The following IGSF11 variants were observed in gnomAD, a reference collection of about 807,000 sequenced individuals.
IGSF11 encodes the protein CXADR like 1.
IGSF11 carries 22 observed loss-of-function variants against 41.0 expected under a neutral mutation model. That is an observed-to-expected ratio of 0.54 (90% CI 0.38 to 0.77). IGSF11 has a LOEUF of 0.77. IGSF11 is among the 30% of genes least tolerant of loss of function. The pLI, the probability that IGSF11 is intolerant of heterozygous loss-of-function variation, is 0.00. For missense variants in IGSF11, 444 were observed against 530.8 expected (o/e 0.84, Z 1.61); for synonymous variants, 219 against 201.3 (o/e 1.09, Z -0.74).
chr3:119,004,093 TG>T (rs1937208346), intron 1 of IGSF11, among the ~76,000 whole-genome samples: 1 of 150,556 alleles, frequency 6.6e-6, no homozygotes, highest in Non-Finnish European at 1.5e-5. Context: ...CATCTGGTCC[TG>T]GACTCTTTTT....
chr3:118,902,447 T>TCCCC lies in IGSF11; in HGVS notation c.*69_*72dup. On this transcript the variant is annotated 3_prime_UTR_variant, in exon 7 of 7. Coordinates refer to ENST00000393775, the MANE Select transcript of IGSF11 (RefSeq NM_001015887.3). ...TAAGGAAGTGTTTCTTTCCCAGCAC[T>TCCCC]CCCCACCCCACCCTCCCCCTTGTAT... 1 of 563,916 alleles carries TCCCC rather than the reference T, an allele frequency of 1.8e-6. No homozygotes were observed. Among genetic ancestry groups the TCCCC allele is most frequent in the Non-Finnish European group, 3.4e-6 (1 of 298,020 alleles). 34.9% of individuals were successfully genotyped at this position (563,916 alleles called of 1,614,324 possible).
At chr3:119,027,274 GTCT>G (rs1939915995) in intron 1 of IGSF11, among the ~76,000 whole-genome samples, 1 of 152,170 alleles carries the variant, frequency 6.6e-6, no homozygotes, top group South Asian at 2.1e-4. Flanking sequence ...ATTTCAGCCA[GTCT>G]TTAAGAAACT....
At position 118,902,430 on chromosome 3, in the gene IGSF11, T is replaced by A; in HGVS notation, c.*90A>T. ...TTTTACTAATATAATTATAAGGAAG[T>A]GTTTCTTTCCCAGCACTCCCCACCC... On this transcript the variant is annotated 3_prime_UTR_variant, in exon 7 of 7. Transcript: ENST00000393775. 1 of 923,036 alleles carries A rather than the reference T, an allele frequency of 1.1e-6. No homozygotes were observed. The highest frequency in any genetic ancestry group is 1.7e-6 in the Non-Finnish European group (1 of 599,324). 57.2% of individuals were successfully genotyped at this position (923,036 alleles called of 1,614,324 possible). A position where few individuals can be genotyped will look rare whatever the true frequency, so the allele number is the denominator to read the frequency against.
At chr3:119,046,702 C>G (rs1941369843) in intron 1 of IGSF11, among the ~76,000 whole-genome samples, 1 of 152,028 alleles carries the variant, frequency 6.6e-6, no homozygotes, top group Non-Finnish European at 1.5e-5. Flanking sequence ...TCAGATTCAC[C>G]AAAGTTGAAA....
chr3:118,910,076 T>C (rs908620789), intron 4 of IGSF11, among the ~76,000 whole-genome samples: 7 of 152,196 alleles, frequency 4.6e-5, no homozygotes, highest in African/African-American at 1.7e-4. Context: ...AGATTTTGAC[T>C]GCTTCTCTCC....
chr3:119,046,354 C>A (rs1268451279), intron 1 of IGSF11, among the ~76,000 whole-genome samples: 1 of 151,910 alleles, frequency 6.6e-6, no homozygotes, highest in Non-Finnish European at 1.5e-5. Context: ...AATGCAGAAG[C>A]CTCAGGAGCT....
At chr3:119,110,355 T>C (rs1237115314) in intron 1 of IGSF11, among the ~76,000 whole-genome samples, 1 of 152,144 alleles carries the variant, frequency 6.6e-6, no homozygotes, top group Non-Finnish European at 1.5e-5. Flanking sequence ...TGGCCTTCTT[T>C]GTCTCTTTTG....
At chr3:118,995,777 T>G (rs941399137) in intron 1 of IGSF11, among the ~76,000 whole-genome samples, 1 of 151,978 alleles carries the variant, frequency 6.6e-6, no homozygotes, top group Non-Finnish European at 1.5e-5. Context: ...CTCAGCCTCC[T>G]GAGTAGCTGG....
Position 118,930,223 on chromosome 3 carries a change from G to A in IGSF11, c.105C>T (p.Ala35=), listed in dbSNP as rs1317657311. Residue 35 remains alanine, a synonymous_variant, in exon 2 of 7, where the codon GCC becomes GCT. Transcript: ENST00000393775. ...AGGGCAGGACTGCTGGCTGACCCCGGGCCACCTGGATACTCCCAGGGCTCT... is the reference window on the plus strand; with the variant it reads ...AGGGCAGGACTGCTGGCTGACCCCGAGCCACCTGGATACTCCCAGGGCTCT... ...VSESPGSIQV[A]RGQPAVLPCT... is the part of the protein sequence containing the mutation. The A allele has an allele frequency of 5.0e-6, 8 of 1,613,802 alleles. No homozygotes were observed. Among genetic ancestry groups the A allele is most frequent in the Non-Finnish European group, 6.8e-6 (8 of 1,179,888 alleles).
chr3:118,980,247 A>G (rs886905797), intron 1 of IGSF11, among the ~76,000 whole-genome samples: 13 of 152,236 alleles, frequency 8.5e-5, no homozygotes, highest in Middle Eastern at 3.2e-3. Context: ...AGCACTATTC[A>G]TAGTAGCAAA....
At chr3:119,056,442 T>A (rs1941837879) in intron 1 of IGSF11, among the ~76,000 whole-genome samples, 1 of 152,200 alleles carries the variant, frequency 6.6e-6, no homozygotes, top group African/African-American at 2.4e-5. Flanking sequence ...AATCTCTGAA[T>A]AGACCAATAA....
chr3:119,045,496 T>C (rs904984076), intron 1 of IGSF11, among the ~76,000 whole-genome samples: 4 of 151,790 alleles, frequency 2.6e-5, no homozygotes, highest in South Asian at 2.1e-4. Flanking sequence ...AGGGTCCTAC[T>C]CCACGGAGTC....
chr3:118,907,196 C>T (rs1027337771), intron 4 of IGSF11, among the ~76,000 whole-genome samples: 1 of 152,188 alleles, frequency 6.6e-6, no homozygotes, highest in Non-Finnish European at 1.5e-5. Flanking sequence ...TTTCTGCTGG[C>T]AATCATCATC....
chr3:119,068,049 T>C (rs1256047547), intron 1 of IGSF11, among the ~76,000 whole-genome samples: 1 of 152,220 alleles, frequency 6.6e-6, no homozygotes, highest in Non-Finnish European at 1.5e-5. Flanking sequence ...TCTAAGAAAC[T>C]ATTACAAGGT....
chr3:119,047,102 C>A (rs1483706768), intron 1 of IGSF11, among the ~76,000 whole-genome samples: 78 of 148,698 alleles, frequency 5.2e-4, no homozygotes, highest in African/African-American at 1.8e-3. Context: ...CGAGCAAAAT[C>A]ACCAGCTAAC....
At chr3:118,945,255 A>G (rs1944027718) in intron 1 of IGSF11, among the ~76,000 whole-genome samples, 4 of 152,222 alleles carry the variant, frequency 2.6e-5, no homozygotes, top group Admixed American at 2.0e-4. Context: ...ACCTAGTCAT[A>G]TAATCGTCCC....
intron 1 of IGSF11, among the ~76,000 whole-genome samples, chr3:118,957,603 C>T (rs1194198185): frequency 6.6e-6 from 1 of 152,194 alleles, no homozygotes; most frequent in Non-Finnish European, 1.5e-5. Flanking sequence ...TTACTCATCA[C>T]ACTCGCCATT....
intron 1 of IGSF11, among the ~76,000 whole-genome samples, chr3:119,126,130 C>A (rs578004049): frequency 2.0e-5 from 3 of 152,234 alleles, no homozygotes; most frequent in Non-Finnish European, 4.4e-5. Context: ...ATGCTCCCTG[C>A]GTGGGAGAAG....
chr3:119,038,780 T>C (rs1941006117), upstream of IGSF11, among the ~76,000 whole-genome samples: 1 of 152,224 alleles, frequency 6.6e-6, no homozygotes, highest in Non-Finnish European at 1.5e-5. Flanking sequence ...CTTGATTTTA[T>C]ATTGGGGTAT....
Sources: gnomAD v4.1 joint callset for allele counts (sites outside exome capture counted in the v4.1 genomes callset) on GRCh38, gnomAD v4.1.1 for gene constraint, MANE v1.5 for transcripts, NCBI Gene and HGNC (gene_info 2026-07-23, HGNC 2026-07-21) for gene names.